QTGAL: variants seen among roughly 807,000 people sequenced by gnomAD.
The protein encoded by QTGAL is BGnT-like protein 1.
At chr17:83,024,571 C>T in the QTGAL span, among the ~76,000 whole-genome samples, 4 of 151,666 alleles carry the variant, frequency 2.6e-5, no homozygotes, top group East Asian at 2.0e-4. Context: ...GCTCTCTGTG[C>T]GGAGGGAAAA....
the QTGAL span, chr17:82,942,808 G>C: frequency 5.0e-6 from 2 of 403,048 alleles, no homozygotes; most frequent in Non-Finnish European, 8.9e-6. Context: ...CTCCTGCCTG[G>C]AGACCAGGCC....
the QTGAL span, chr17:83,049,034 A>G: frequency 2.1e-6 from 1 of 470,100 alleles, no homozygotes; most frequent in Non-Finnish European, 3.8e-6. Flanking sequence ...TGGGTGGATT[A>G]CAAGGTCAGG....
At chr17:83,046,416 C>T in the QTGAL span, among the ~76,000 whole-genome samples, 2 of 152,324 alleles carry the variant, frequency 1.3e-5, no homozygotes, top group Admixed American at 6.5e-5. Context: ...GGATTAGAGG[C>T]GTGAGTCACC....
the QTGAL span, chr17:82,956,809 A>G: frequency 6.4e-7 from 1 of 1,553,816 alleles, no homozygotes; most frequent in Non-Finnish European, 8.7e-7. This position sits in a 1 kb window ranked among gnomAD's most constrained non-coding sequence, Gnocchi z 5.7. Flanking sequence ...CCGAGCCTGG[A>G]GCTTGTCCCC....
At chr17:82,969,338 T>G in the QTGAL span, among the ~76,000 whole-genome samples, 1 of 151,908 alleles carries the variant, frequency 6.6e-6, no homozygotes, top group African/African-American at 2.4e-5. Context: ...TTTTGTATTT[T>G]AGTAGGGACA....
At chr17:82,964,657 A>G in the QTGAL span, among the ~76,000 whole-genome samples, 114 of 71,126 alleles carry the variant, frequency 1.6e-3, no homozygotes, top group South Asian at 3.4e-3. Flanking sequence ...ACGGACGCCT[A>G]CAGGTGCACC....
chr17:82,962,215 C>A, the QTGAL span, among the ~76,000 whole-genome samples: 2 of 152,196 alleles, frequency 1.3e-5, no homozygotes, highest in African/African-American at 4.8e-5. Flanking sequence ...GGCCTGTTTG[C>A]TCCCAGGACA....
the QTGAL span, among the ~76,000 whole-genome samples, chr17:82,970,402 T>C: frequency 6.6e-6 from 1 of 152,280 alleles, no homozygotes; most frequent in Admixed American, 6.5e-5. Flanking sequence ...TCTCAACTTT[T>C]GCTTGCTGAA....
At chr17:83,029,674 G>A in the QTGAL span, among the ~76,000 whole-genome samples, 4 of 152,156 alleles carry the variant, frequency 2.6e-5, no homozygotes, top group African/African-American at 9.7e-5. Flanking sequence ...TTTCCTCATG[G>A]TTCAGGACAC....
At chr17:83,011,420 C>T in the QTGAL span, 5 of 152,342 alleles carry the variant, frequency 3.3e-5, no homozygotes, top group Admixed American at 2.0e-4. Flanking sequence ...AAGAAAACAA[C>T]GACCAAGTAC....
chr17:82,976,104 C>T, the QTGAL span, among the ~76,000 whole-genome samples: 1 of 27,458 alleles, frequency 3.6e-5, no homozygotes, highest in Non-Finnish European at 6.2e-5. Context: ...GGACAGAGCC[C>T]GACTCCATCC....
chr17:82,954,302 GA>G, the QTGAL span, among the ~76,000 whole-genome samples: 1 of 152,068 alleles, frequency 6.6e-6, no homozygotes, highest in African/African-American at 2.4e-5. Flanking sequence ...AAAGTCTCAG[GA>G]TACAAAATCG....
the QTGAL span, among the ~76,000 whole-genome samples, chr17:83,027,206 G>C: frequency 3.9e-5 from 6 of 152,256 alleles, no homozygotes; most frequent in African/African-American, 1.4e-4. Flanking sequence ...AGCAGGGCAG[G>C]GAGCCTGCAG....
chr17:82,991,016 T>C, the QTGAL span, among the ~76,000 whole-genome samples: 1 of 152,236 alleles, frequency 6.6e-6, no homozygotes, highest in East Asian at 1.9e-4. Context: ...CCACCTAGCC[T>C]CTGGCATTTT....
chr17:83,045,671 T>G, the QTGAL span, among the ~76,000 whole-genome samples: 3 of 152,102 alleles, frequency 2.0e-5, no homozygotes, highest in Non-Finnish European at 4.4e-5. Flanking sequence ...GGAAAAAAAT[T>G]GCAAATTATA....
At chr17:83,029,522 CTT>C in the QTGAL span, among the ~76,000 whole-genome samples, 1 of 152,084 alleles carries the variant, frequency 6.6e-6, no homozygotes, top group African/African-American at 2.4e-5. Flanking sequence ...CGAGCTGGCT[CTT>C]GTGTCAGGTG....
At chr17:83,015,927 G>T in the QTGAL span, among the ~76,000 whole-genome samples, 5 of 152,192 alleles carry the variant, frequency 3.3e-5, no homozygotes, top group Non-Finnish European at 7.3e-5. This position sits in a 1 kb window ranked among gnomAD's most constrained non-coding sequence, Gnocchi z 4.4. Context: ...TGCCAAAAAG[G>T]CTGGGGACCA....
At chr17:83,006,095 C>T in the QTGAL span, 3 of 993,588 alleles carry the variant, frequency 3.0e-6, no homozygotes, top group Non-Finnish European at 3.6e-6. This position sits in a 1 kb window ranked among gnomAD's most constrained non-coding sequence, Gnocchi z 5.8. Flanking sequence ...GACGTTCTCA[C>T]AGCACAGGCC....
the QTGAL span, among the ~76,000 whole-genome samples, chr17:82,992,177 C>T: frequency 1.3e-5 from 2 of 152,036 alleles, no homozygotes; most frequent in African/African-American, 2.4e-5. Flanking sequence ...CTAGAGAAAG[C>T]TATCAATATC....
Sources: gnomAD v4.1 joint callset for allele counts (sites outside exome capture counted in the v4.1 genomes callset) on GRCh38, gnomAD v4.1.1 for gene constraint, Gnocchi (gnomAD v3.1) non-coding constraint, MANE v1.5 for transcripts, NCBI Gene and HGNC (gene_info 2026-07-23, HGNC 2026-07-21) for gene names.